The following ADRA1B variants were observed in gnomAD, a reference collection of about 807,000 sequenced individuals.
The protein encoded by ADRA1B is alpha-1B adrenergic receptor.
A neutral mutation model predicts 17.9 loss-of-function variants in ADRA1B; 17 were observed. That is an observed-to-expected ratio of 0.95 (90% CI 0.65 to 1.42). The LOEUF (loss-of-function observed/expected upper bound fraction) is 1.42, where lower values mean the gene tolerates loss of function less well. ADRA1B is among the 40% of genes most tolerant of loss of function. ADRA1B has a pLI of 0.00. For synonymous variants in ADRA1B, 366 were observed against 327.6 expected (o/e 1.12, Z -1.27); for missense variants, 681 against 722.1 (o/e 0.94, Z 0.65).
chr5:159,955,408 G>A (rs1188832712), intron 1 of ADRA1B, among the ~76,000 whole-genome samples: 2 of 152,202 alleles, frequency 1.3e-5, no homozygotes, highest in Non-Finnish European at 2.9e-5. Flanking sequence ...ACAAAGGGAT[G>A]AGTCAGAAAG....
chr5:159,950,740 T>G (rs777111472), intron 1 of ADRA1B: 1 of 650,050 alleles, frequency 1.5e-6, no homozygotes, highest in Non-Finnish European at 2.9e-6. Flanking sequence ...GTCATCATAT[T>G]TGGCAGGTTT....
chr5:159,889,213 C>T (rs1401944115), intron 1 of ADRA1B, among the ~76,000 whole-genome samples: 1 of 152,118 alleles, frequency 6.6e-6, no homozygotes, highest in Non-Finnish European at 1.5e-5. Flanking sequence ...CATGGAAGGG[C>T]AAGAATGGTG....
rs1490649463 is a variant in ADRA1B, at chr5:159,916,886, T to A, written c.-20T>A. ...TTCCGAGCCCAATCATCCCCCTGGC[T>A]ATGGAGGGCGGACTCTAAGATGAAT... On this transcript the variant is annotated 5_prime_UTR_variant, in exon 1 of 2. Coordinates refer to ENST00000306675, the MANE Select transcript of ADRA1B (RefSeq NM_000679.4). 6.3e-7 allele frequency: 1 copy of A among 1,588,366 alleles called. No individual in the cohort carries two copies. Among genetic ancestry groups the A allele is most frequent in the Admixed American group, 1.7e-5 (1 of 58,030 alleles).
chr5:159,869,593 C>T (rs1386708412), intron 1 of ADRA1B: 1 of 152,202 alleles, frequency 6.6e-6, no homozygotes, highest in Non-Finnish European at 1.5e-5. Context: ...ACTGGCTAGG[C>T]AATTAGTCCA....
chr5:159,883,696 A>G (rs1753891453), intron 1 of ADRA1B, among the ~76,000 whole-genome samples: 1 of 152,212 alleles, frequency 6.6e-6, no homozygotes, highest in Non-Finnish European at 1.5e-5. Context: ...TCAAGCTCTA[A>G]GAGTCTATGA....
intron 1 of ADRA1B, among the ~76,000 whole-genome samples, chr5:159,924,048 A>C (rs1057281535): frequency 1.3e-5 from 2 of 152,278 alleles, no homozygotes; most frequent in Non-Finnish European, 2.9e-5. Context: ...TCATTATATT[A>C]TTCCTATTGT....
At chr5:159,911,395 G>A (rs1040501239) in intron 1 of ADRA1B, among the ~76,000 whole-genome samples, 5 of 152,128 alleles carry the variant, frequency 3.3e-5, no homozygotes, top group Non-Finnish European at 1.5e-5. Flanking sequence ...CGGATTCTCC[G>A]TCCGGCACCC....
At chr5:159,984,703 A>G in the ADRA1B span, among the ~76,000 whole-genome samples, 26 of 151,262 alleles carry the variant, frequency 1.7e-4, no homozygotes, top group Admixed American at 1.7e-3. Flanking sequence ...TTTGAGGCCA[A>G]CCTGGCCAAC....
chr5:159,955,343 G>A (rs1430578466), intron 1 of ADRA1B: 1 of 226,910 alleles, frequency 4.4e-6, no homozygotes, highest in African/African-American at 2.3e-5. Flanking sequence ...ACCTTAACCT[G>A]TCATATCAGT....
the ADRA1B span, among the ~76,000 whole-genome samples, chr5:159,981,584 C>A: frequency 6.6e-6 from 1 of 152,228 alleles, no homozygotes; most frequent in Admixed American, 6.5e-5. Context: ...CAGGCTCCGC[C>A]TTCCAGGTTC....
chr5:159,891,181 C>T (rs887686800), intron 1 of ADRA1B, among the ~76,000 whole-genome samples: 6 of 152,230 alleles, frequency 3.9e-5, no homozygotes, highest in African/African-American at 1.2e-4. Context: ...CTGCTACAAA[C>T]GTTAACCCAA....
At chr5:159,982,124 C>G in the ADRA1B span, among the ~76,000 whole-genome samples, 2 of 152,190 alleles carry the variant, frequency 1.3e-5, no homozygotes, top group Non-Finnish European at 2.9e-5. Context: ...AAGGTCCCGG[C>G]CAACAGTCAG....
upstream of ADRA1B, among the ~76,000 whole-genome samples, chr5:159,913,678 C>T (rs1242890886): frequency 6.6e-6 from 1 of 151,988 alleles, no homozygotes; most frequent in African/African-American, 2.4e-5. Flanking sequence ...TTCATCCTGG[C>T]CTTTTGCCAC....
At chr5:159,988,243 G>T in the ADRA1B span, among the ~76,000 whole-genome samples, 1 of 152,156 alleles carries the variant, frequency 6.6e-6, no homozygotes, top group Non-Finnish European at 1.5e-5. Flanking sequence ...CAAAGGATGT[G>T]GGCAGACTCT....
chr5:159,869,536 C>T (rs1435532440), intron 1 of ADRA1B: 3 of 152,210 alleles, frequency 2.0e-5, no homozygotes, highest in African/African-American at 7.2e-5. Context: ...TATTTCAGAA[C>T]GATCTGGAGA....
chr5:159,900,739 G>T (rs1011660576), intron 1 of ADRA1B, among the ~76,000 whole-genome samples: 3 of 152,218 alleles, frequency 2.0e-5, no homozygotes, highest in East Asian at 1.9e-4. Context: ...TGGCAGGTTG[G>T]GGGGTGGGCA....
At chr5:159,945,404 CGTTGAGATCATG>C (rs1244258013) in intron 1 of ADRA1B, among the ~76,000 whole-genome samples, 2 of 152,026 alleles carry the variant, frequency 1.3e-5, no homozygotes, top group African/African-American at 4.8e-5. Context: ...GAAAGCTGCT[CGTTGAGATCATG>C]GGCTGAAACT....
intron 1 of ADRA1B, among the ~76,000 whole-genome samples, chr5:159,930,249 G>A (rs1754763381): frequency 6.6e-6 from 1 of 152,196 alleles, no homozygotes; most frequent in South Asian, 2.1e-4. Context: ...GTAGTTGCTG[G>A]GGCAAGGAAG....
chr5:159,972,278 C>T lies in ADRA1B; in HGVS notation c.1349C>T (p.Pro450Leu). Residue 450 changes from proline (P) to leucine (L), a missense_variant, in exon 2 of 2, where the codon CCC becomes CTC. By Grantham distance (98) the Pro-to-Leu change is moderately conservative. Around this residue, in one of 3 missense-constraint regions of ADRA1B, gnomAD observed 251 missense variants for 224.9 expected, o/e 1.12. Coordinates refer to ENST00000306675, the MANE Select transcript of ADRA1B (RefSeq NM_000679.4). Reference protein sequence around the residue: ...ELCAFPEWKAPGALLSLPAPE... With the variant: ...ELCAFPEWKALGALLSLPAPE... ...TGCGCCTTCCCCGAGTGGAAGGCGC[C>T]CGGCGCCCTCCTGAGCCTGCCCGCG... 7.3e-7 allele frequency: 1 copy of T among 1,367,628 alleles called. No individual in the cohort carries two copies. Among genetic ancestry groups the T allele is most frequent in the South Asian group, 1.7e-5 (1 of 60,120 alleles). 84.7% of individuals were successfully genotyped at this position (1,367,628 alleles called of 1,614,324 possible). A position where few individuals can be genotyped will look rare whatever the true frequency, so the allele number is the denominator to read the frequency against.
Sources: allele counts gnomAD v4.1 joint callset (sites outside exome capture counted in the v4.1 genomes callset), GRCh38; gene constraint gnomAD v4.1.1; regional missense constraint gnomAD v4.1.1; transcripts MANE v1.5; gene names NCBI Gene and HGNC (gene_info 2026-07-23, HGNC 2026-07-21).